CBL: variants seen among roughly 807,000 people sequenced by gnomAD.
The protein encoded by CBL is Cbl proto-oncogene.
Under a neutral mutation model 96.9 loss-of-function variants are expected in CBL, and 45 were observed. The ratio of observed to expected loss-of-function variants is 0.46; its 90% CI spans 0.37 to 0.60. CBL has a LOEUF of 0.60. Ranked by LOEUF, CBL falls within the 20% of genes least tolerant of loss-of-function variation. CBL has a pLI of 0.00. For missense variants in CBL, 1,024 were observed against 1,143.5 expected (o/e 0.90, Z 1.51); for synonymous variants, 420 against 426.8 (o/e 0.98, Z 0.20).
chr11:119,278,705 G>A lies in CBL; in HGVS notation c.1423G>A (p.Gly475Ser), dbSNP rs764599897. ...DTLFMMKELA[G>S]AKVERPPSPF... ...TCTCTTCATGATGAAGGAATTGGCTGGTGCCAAGGTAAGATGGCAGTTTAG... is the reference window on the plus strand; with the variant it reads ...TCTCTTCATGATGAAGGAATTGGCTAGTGCCAAGGTAAGATGGCAGTTTAG... The change falls in exon 9 of 16, where the codon GGT (glycine) becomes AGT (serine). Residue 475 changes from glycine to serine, a missense_variant. Coordinates refer to ENST00000264033, the MANE Select transcript of CBL (RefSeq NM_005188.4). 9.9e-6 allele frequency: 16 copies of A among 1,613,808 alleles called. No individual in the cohort carries two copies. The African/African-American group carries it at 1.3e-4, about 13-fold the overall frequency.
chr11:119,260,583 A>G (rs184448243), intron 2 of CBL, among the ~76,000 whole-genome samples: 1 of 151,674 alleles, frequency 6.6e-6, no homozygotes, highest in Admixed American at 6.5e-5. Flanking sequence ...GGTACTTAGT[A>G]AGCCCTTAAA....
At chr11:119,245,447 G>A (rs561636940) in intron 2 of CBL, among the ~76,000 whole-genome samples, 72 of 152,096 alleles carry the variant, frequency 4.7e-4, no homozygotes, top group South Asian at 2.9e-3. Flanking sequence ...AGTTTTAATG[G>A]ACCAGGTGCA....
At chr11:119,281,323 G>A (rs1371713772) in intron 9 of CBL, among the ~76,000 whole-genome samples, 1 of 152,080 alleles carries the variant, frequency 6.6e-6, no homozygotes, top group African/African-American at 2.4e-5. Flanking sequence ...TAAACTTCTT[G>A]AGATCTTTGG....
At chr11:119,236,929 C>T (rs1220588366) in intron 2 of CBL, among the ~76,000 whole-genome samples, 1 of 152,084 alleles carries the variant, frequency 6.6e-6, no homozygotes, top group African/African-American at 2.4e-5. Context: ...GGCAGTCAAC[C>T]ATGGTTTGAA....
In CBL at chr11:119,284,975, C is replaced by T. The variant is rs1301223407; in HGVS notation, c.1438C>T (p.Arg480Trp). ...AATTTTTTATGTACCCTAGGTGGAA[C>T]GGCCGCCTTCTCCATTCTCCATGGC... ...MKELAGAKVERPPSPFSMAPQ... is the reference protein window; with the variant it reads ...MKELAGAKVEWPPSPFSMAPQ... The change falls in exon 10 of 16, where the codon CGG becomes TGG. Residue 480 changes from arginine to tryptophan, a missense_variant. Physicochemically the swap from Arg to Trp is moderately radical, Grantham distance 101. Transcript: ENST00000264033. 1.2e-6 allele frequency: 2 copies of T among 1,614,132 alleles called. No individual in the cohort carries two copies. The highest frequency in any genetic ancestry group is 8.5e-7 in the Non-Finnish European group (1 of 1,180,022).
chr11:119,241,040 T>C (rs954742024), intron 2 of CBL, among the ~76,000 whole-genome samples: 4 of 152,198 alleles, frequency 2.6e-5, no homozygotes, highest in African/African-American at 9.6e-5. Flanking sequence ...CACTGCACTC[T>C]AGCCTGGGCG....
chr11:119,262,303 G>A (rs1485142446), intron 2 of CBL, among the ~76,000 whole-genome samples: 3 of 152,198 alleles, frequency 2.0e-5, no homozygotes, highest in African/African-American at 7.2e-5. Context: ...GATAGGGTGA[G>A]TAAATGTAAA....
intron 1 of CBL, among the ~76,000 whole-genome samples, chr11:119,227,295 G>A (rs772812475): frequency 1.1e-4 from 17 of 152,116 alleles, no homozygotes; most frequent in Non-Finnish European, 2.4e-4. Context: ...TGTTTGGTAG[G>A]CTAAGTATAT....
At chr11:119,224,022 T>G (rs1949434755) in intron 1 of CBL, among the ~76,000 whole-genome samples, 1 of 152,174 alleles carries the variant, frequency 6.6e-6, no homozygotes, top group South Asian at 2.1e-4. Flanking sequence ...AGTTGAAGAC[T>G]TAAGAGTTAG....
Position 119,302,905 on chromosome 11 carries a change from C to G in CBL, c.*3124C>G, listed in dbSNP as rs1047457674. ...GCCCCATTCTGCATAATCTACCATT[C>G]TTCTCCTCTCTTTCTCTTCTTATAC... On this transcript the variant is annotated 3_prime_UTR_variant, in exon 16 of 16. Coordinates refer to ENST00000264033, the MANE Select transcript of CBL (RefSeq NM_005188.4). 24 of 230,100 alleles carry G rather than the reference C, an allele frequency of 1.0e-4. No homozygotes were observed. Among genetic ancestry groups the G allele is most frequent in the African/African-American group, 5.1e-4 (23 of 45,180 alleles). 14.3% of individuals were successfully genotyped at this position (230,100 alleles called of 1,614,324 possible).
At chr11:119,243,155 G>C (rs1383613928) in intron 2 of CBL, among the ~76,000 whole-genome samples, 1 of 152,056 alleles carries the variant, frequency 6.6e-6, no homozygotes, top group African/African-American at 2.4e-5. Context: ...GTGCACGCCT[G>C]TAATCCCAGC....
chr11:119,270,540 G>A (rs1178910220), intron 2 of CBL, among the ~76,000 whole-genome samples: 6 of 135,636 alleles, frequency 4.4e-5, no homozygotes, highest in African/African-American at 1.4e-4. Flanking sequence ...TCCGCCTCCC[G>A]GGTTCACGCC....
chr11:119,294,697 AG>A (rs1950051627), intron 12 of CBL, among the ~76,000 whole-genome samples: 1 of 151,964 alleles, frequency 6.6e-6, no homozygotes, highest in South Asian at 2.1e-4. Context: ...AGGCTGAGGC[AG>A]GAGAATCGCT....
chr11:119,212,740 G>T (rs1339908861), intron 1 of CBL, among the ~76,000 whole-genome samples: 1 of 151,810 alleles, frequency 6.6e-6, no homozygotes, highest in Non-Finnish European at 1.5e-5. Context: ...GCTGGGCACA[G>T]TGGCTCACGC....
intron 2 of CBL, among the ~76,000 whole-genome samples, chr11:119,263,120 C>G (rs949235717): frequency 1.3e-5 from 2 of 152,134 alleles, no homozygotes; most frequent in Non-Finnish European, 2.9e-5. Flanking sequence ...GTGTTAACTG[C>G]TAGAGATGGA....
intron 2 of CBL, among the ~76,000 whole-genome samples, chr11:119,267,771 T>C: frequency 6.6e-6 from 1 of 152,226 alleles, no homozygotes; most frequent in South Asian, 2.1e-4. Flanking sequence ...ATATTGATCA[T>C]TAGAAATTTT....
In CBL at chr11:119,302,571, A is replaced by G. The variant is rs1021483630; in HGVS notation, c.*2790A>G. 1.7e-5 allele frequency: 4 copies of G among 231,804 alleles called. No homozygotes were observed. The highest frequency in any genetic ancestry group is 2.6e-5 in the Non-Finnish European group (3 of 117,338). The allele number at this position is 231,804 out of a possible 1,614,324, so 14.4% of individuals were successfully genotyped here. Reference sequence around the variant, plus strand: ...CACACTACTTTGTTCTCTTTTTCTCATATTCATTGGGCTGTTGTATTCAGC... The same window carrying G: ...CACACTACTTTGTTCTCTTTTTCTCGTATTCATTGGGCTGTTGTATTCAGC... On this transcript the variant is annotated 3_prime_UTR_variant, in exon 16 of 16. Transcript: ENST00000264033.
chr11:119,297,649 G>A (rs1591270121), intron 14 of CBL, among the ~76,000 whole-genome samples, 168 bp downstream of exon 14: 2 of 152,132 alleles, frequency 1.3e-5, no homozygotes, highest in East Asian at 3.8e-4. Flanking sequence ...GTAGAGACGG[G>A]GTTTCACTAT....
At position 119,235,738 on chromosome 11, in the gene CBL, T is replaced by A. The variant is rs141660076; in HGVS notation, c.443+3043T>A. Among the ~76,000 whole-genome samples, 1,077 of 152,308 alleles carry A rather than the reference T, an allele frequency of 7.1e-3. 6 individuals carry two copies. Among genetic ancestry groups the A allele is most frequent in the Non-Finnish European group, 0.01 (708 of 68,014 alleles). On this transcript the variant is annotated intron_variant, in intron 2 of 15. Coordinates refer to ENST00000264033, the MANE Select transcript of CBL (RefSeq NM_005188.4). ...TTGTTAAGGCTCAACTATATCTAAT[T>A]TGCCGTTACCAAATGACTTCAGTAC...
Sources: gnomAD v4.1 joint callset for allele counts (sites outside exome capture counted in the v4.1 genomes callset) on GRCh38, gnomAD v4.1.1 for gene constraint, MANE v1.5 for transcripts, NCBI Gene and HGNC (gene_info 2026-07-23, HGNC 2026-07-21) for gene names.